Variants in CALN1 observed in about 807,000 individuals in gnomAD.
CALN1 encodes calcium-binding protein 8.
CALN1 carries 17 observed loss-of-function variants against 30.6 expected under a neutral mutation model. The ratio of observed to expected loss-of-function variants is 0.56; its 90% CI spans 0.38 to 0.83. The LOEUF is 0.83. Ranked by LOEUF, CALN1 falls within the 40% of genes least tolerant of loss-of-function variation. The pLI is 0.00. For missense variants in CALN1, 291 were observed against 354.9 expected, an observed-to-expected ratio of 0.82 and a Z score of 1.45; for synonymous variants, 156 against 131.4, an observed-to-expected ratio of 1.19 and a Z score of -1.28.
intron 3 of CALN1, among the ~76,000 whole-genome samples, chr7:72,125,159 C>T (rs1321514366): frequency 6.6e-6 from 1 of 152,036 alleles, no homozygotes; most frequent in East Asian, 1.9e-4. Flanking sequence ...GTCCTAAATA[C>T]CTGGGACTAC....
At chr7:72,135,907 TG>T (rs1243952413) in intron 3 of CALN1, among the ~76,000 whole-genome samples, 4 of 151,994 alleles carry the variant, frequency 2.6e-5, no homozygotes, top group Middle Eastern at 3.4e-3. Flanking sequence ...CCGAGGTGGG[TG>T]GATCACCTTA....
At chr7:71,963,024 G>C (rs1214060072) in intron 5 of CALN1, among the ~76,000 whole-genome samples, 1 of 152,050 alleles carries the variant, frequency 6.6e-6, no homozygotes, top group Non-Finnish European at 1.5e-5. Flanking sequence ...TTTAAACATA[G>C]GTATCCAAGA....
intron 1 of CALN1, among the ~76,000 whole-genome samples, chr7:72,409,829 C>T (rs368833636): frequency 6.6e-6 from 1 of 152,102 alleles, no homozygotes; most frequent in African/African-American, 2.4e-5. Flanking sequence ...TCCCTTTTAA[C>T]CACGTTGGGC....
At chr7:72,160,280 AG>A (rs1788006294) in intron 3 of CALN1, among the ~76,000 whole-genome samples, 1 of 76,740 alleles carries the variant, frequency 1.3e-5, no homozygotes, top group African/African-American at 6.0e-5. Context: ...TTTTCTTTTT[AG>A]TTTTTTTTTT....
chr7:72,080,746 A>G (rs370821366), intron 4 of CALN1, among the ~76,000 whole-genome samples: 47 of 152,306 alleles, frequency 3.1e-4, no homozygotes, highest in African/African-American at 1.0e-3. Flanking sequence ...CTGATAGGTC[A>G]GAGAACTGGG....
intron 2 of CALN1, among the ~76,000 whole-genome samples, chr7:72,323,945 G>A (rs902158929): frequency 2.6e-5 from 4 of 151,950 alleles, no homozygotes; most frequent in African/African-American, 7.3e-5. Flanking sequence ...TCGGGAGGCT[G>A]AGGCAGGAGG....
At chr7:72,323,757 G>C (rs1025601309) in intron 2 of CALN1, among the ~76,000 whole-genome samples, 1 of 152,054 alleles carries the variant, frequency 6.6e-6, no homozygotes, top group African/African-American at 2.4e-5. Context: ...ATAATTTGCA[G>C]TTTAGGCTGA....
chr7:71,848,495 A>G (rs1790448874), intron 5 of CALN1, among the ~76,000 whole-genome samples: 1 of 152,190 alleles, frequency 6.6e-6, no homozygotes, highest in African/African-American at 2.4e-5. Context: ...CCCGTAGAAT[A>G]TTGCAAAGAA....
At chr7:72,083,640 G>A (rs1235195828) in intron 4 of CALN1, among the ~76,000 whole-genome samples, 1 of 151,970 alleles carries the variant, frequency 6.6e-6, no homozygotes, top group African/African-American at 2.4e-5. Context: ...ATACATATAG[G>A]CCAGGCACAG....
chr7:72,187,740 C>A (rs368378459), intron 3 of CALN1, among the ~76,000 whole-genome samples: 21 of 152,260 alleles, frequency 1.4e-4, no homozygotes, highest in African/African-American at 4.1e-4. Flanking sequence ...TCGCTCTTTT[C>A]GTGTATACGT....
intron 5 of CALN1, among the ~76,000 whole-genome samples, chr7:71,963,424 G>T (rs1797357503): frequency 6.6e-6 from 1 of 152,028 alleles, no homozygotes; most frequent in South Asian, 2.1e-4. Flanking sequence ...GCCTCCCAAA[G>T]TGCTGGGATT....
chr7:72,017,458 A>AGGGTAATT (rs1291194191), intron 5 of CALN1, among the ~76,000 whole-genome samples: 1 of 152,146 alleles, frequency 6.6e-6, no homozygotes, highest in Non-Finnish European at 1.5e-5. Flanking sequence ...CGAGTACCCT[A>AGGGTAATT]TGCACTTTCA....
intron 3 of CALN1, among the ~76,000 whole-genome samples, chr7:72,131,208 C>A (rs1204316000): frequency 2.6e-5 from 4 of 152,078 alleles, no homozygotes; most frequent in Admixed American, 2.6e-4. Context: ...CTGAAGAAAT[C>A]TGAAGAGGGA....
chr7:72,222,209 G>C (rs1793355964), intron 3 of CALN1, among the ~76,000 whole-genome samples: 1 of 150,936 alleles, frequency 6.6e-6, no homozygotes, highest in African/African-American at 2.4e-5. Flanking sequence ...CTGGGTAACA[G>C]AGCGAGACTC....
At chr7:72,060,484 T>C (rs1015047282) in intron 4 of CALN1, among the ~76,000 whole-genome samples, 5 of 152,156 alleles carry the variant, frequency 3.3e-5, no homozygotes, top group African/African-American at 1.2e-4. Context: ...CCCCGCCATT[T>C]TGTGTATGAA....
At chr7:72,411,702 T>TA (rs749571504) in intron 1 of CALN1, among the ~76,000 whole-genome samples, 2 of 152,266 alleles carry the variant, frequency 1.3e-5, no homozygotes, top group Non-Finnish European at 2.9e-5. Context: ...ACAGAGAAAC[T>TA]AACTGGAAGA....
chr7:72,383,372 T>A (rs1379168499), intron 2 of CALN1, among the ~76,000 whole-genome samples: 2 of 152,220 alleles, frequency 1.3e-5, no homozygotes, highest in Non-Finnish European at 2.9e-5. Flanking sequence ...TAACTTGCAT[T>A]CCCACCAAAA....
At chr7:72,058,333 T>TTTTTTTTTTTTTTC (rs1803413279) in intron 4 of CALN1, among the ~76,000 whole-genome samples, 1 of 145,322 alleles carries the variant, frequency 6.9e-6, no homozygotes, top group Non-Finnish European at 1.5e-5. Context: ...TTTTTTTTTT[T>TTTTTTTTTTTTTTC]TTGAGACGGA....
At chr7:72,205,058 A>T (rs1179647400) in intron 3 of CALN1, among the ~76,000 whole-genome samples, 2 of 152,152 alleles carry the variant, frequency 1.3e-5, no homozygotes, top group Admixed American at 6.5e-5. Flanking sequence ...ATAGAAATTG[A>T]CATTTTGTTG....
Sources: gnomAD v4.1 joint callset for allele counts (sites outside exome capture counted in the v4.1 genomes callset) on GRCh38, gnomAD v4.1.1 for gene constraint, MANE v1.5 for transcripts, NCBI Gene and HGNC (gene_info 2026-07-23, HGNC 2026-07-21) for gene names.